SCRN2: variants seen among roughly 807,000 people sequenced by gnomAD.
The protein encoded by SCRN2 is secernin-2.
Under a neutral mutation model 40.1 loss-of-function variants are expected in SCRN2, and 30 were observed. The ratio of observed to expected loss-of-function variants is 0.75; its 90% CI spans 0.56 to 1.01. SCRN2 has a LOEUF of 1.01. SCRN2 is among the 50% of genes least tolerant of loss of function. SCRN2 has a pLI of 0.00. For synonymous variants in SCRN2, 240 were observed against 233.5 expected, an observed-to-expected ratio of 1.03 and a Z score of -0.25; for missense variants, 526 against 564.9, an observed-to-expected ratio of 0.93 and a Z score of 0.70.
chr17:47,840,275 T>G lies in SCRN2; in HGVS notation c.272A>C (p.His91Pro). 1.2e-6 allele frequency: 2 copies of G among 1,614,196 alleles called. No homozygotes were observed. The highest frequency in any genetic ancestry group is 1.7e-6 in the Non-Finnish European group (2 of 1,180,038). ...LWGAEMGANEHGVCIGNEAVW... is the reference protein window; with the variant it reads ...LWGAEMGANEPGVCIGNEAVW... Reference sequence around the variant, plus strand: ...AGCCTCGTTGCCAATGCAGACACCATGCTCGTTGGCGCCCATCTCAGCCCC... The same window carrying G: ...AGCCTCGTTGCCAATGCAGACACCAGGCTCGTTGGCGCCCATCTCAGCCCC... Residue 91 changes from histidine (H) to proline (P), a missense_variant, in exon 3 of 8, where the codon CAT (histidine) becomes CCT (proline). His to Pro is a moderately conservative substitution (Grantham distance 77). Coordinates refer to ENST00000290216, the MANE Select transcript of SCRN2 (RefSeq NM_138355.4).
chr17:47,838,382 A>G lies in SCRN2; in HGVS notation c.1007T>C (p.Phe336Ser). 6.2e-7 allele frequency: 1 copy of G among 1,609,548 alleles called. No homozygotes were observed. The highest frequency in any genetic ancestry group is 1.3e-5 in the African/African-American group (1 of 74,670). ...GGTCCGAACAGGGTCTTGTGCTCCA[A>G]AAGTGGGGGACAGCACCTGGGGGGC... is the stretch of plus-strand genomic sequence containing the variant. Reference protein sequence around the residue: ...AQAPQVLSPTFGAQDPVRTLP... With the variant: ...AQAPQVLSPTSGAQDPVRTLP... Residue 336 changes from phenylalanine to serine, a missense_variant, in exon 7 of 8, where the codon TTT (phenylalanine) becomes TCT (serine). Coordinates refer to ENST00000290216, the MANE Select transcript of SCRN2 (RefSeq NM_138355.4).
Position 47,840,757 on chromosome 17 carries a change from A to C in SCRN2, c.87T>G (p.Phe29Leu), listed in dbSNP as rs1344956172. ...CCCGGGGTCGGTCCGAGTTCTTGGC[A>C]AAGATCACAGCCGGGATGGCTGAGG... ...PPASAIPAVIFAKNSDRPRDE... is the reference protein window; with the variant it reads ...PPASAIPAVILAKNSDRPRDE... Residue 29 changes from phenylalanine to leucine, a missense_variant, in exon 2 of 8, where the codon TTT becomes TTG. Transcript: ENST00000290216. The C allele has an allele frequency of 6.3e-7, 1 of 1,595,030 alleles. No individual in the cohort carries two copies. Among genetic ancestry groups the C allele is most frequent in the Non-Finnish European group, 8.6e-7 (1 of 1,169,340 alleles).
intron 5 of SCRN2, 30 bp from the exon 6 acceptor site, chr17:47,838,726 G>A: frequency 6.2e-7 from 1 of 1,611,648 alleles, no homozygotes; most frequent in Non-Finnish European, 8.5e-7. Flanking sequence ...GAAGCTGTGG[G>A]AGGGGAGAGT....
Position 47,839,527 on chromosome 17 carries a change from T to C in SCRN2, c.473A>G (p.His158Arg), listed in dbSNP as rs371394444. ...CLEDAAPFSY[H>R]STFLLADRTE... is the part of the protein sequence containing the mutation. ...GCGGTCAGCCAGCAGGAAGGTGCTA[T>C]GGTAGGAGAATGGCGCAGCATCCTC... Residue 158 changes from histidine to arginine, a missense_variant, in exon 4 of 8, where the codon CAT (histidine) becomes CGT (arginine). Coordinates refer to ENST00000290216, the MANE Select transcript of SCRN2 (RefSeq NM_138355.4). 1.5e-5 allele frequency: 25 copies of C among 1,613,858 alleles called. No homozygotes were observed. The highest frequency in any genetic ancestry group is 1.5e-4 in the African/African-American group (11 of 74,926).
At chr17:47,839,779 A>G in intron 3 of SCRN2, 136 bp from the exon 4 acceptor site, 1 of 831,264 alleles carries the variant, frequency 1.2e-6, no homozygotes, top group African/African-American at 1.7e-5. Context: ...GCTGGCACTG[A>G]TCGTATCAAA....
chr17:47,839,050 TATTCTATGCCA>T, intron 4 of SCRN2, 44 bp from the exon 5 acceptor site: 1 of 1,596,120 alleles, frequency 6.3e-7, no homozygotes, highest in South Asian at 1.1e-5. Flanking sequence ...ATTGAGCATC[TATTCTATGCCA>T]GGCACTGGGC....
Position 47,838,840 on chromosome 17 carries a change from A to C in SCRN2, c.723T>G (p.Ala241=), listed in dbSNP as rs1397348538. Residue 241 remains alanine (A), a synonymous_variant, in exon 5 of 8, where the codon GCT becomes GCG. Coordinates refer to ENST00000290216, the MANE Select transcript of SCRN2 (RefSeq NM_138355.4). The part of the protein sequence containing the change: ...SLTQQPVRME[A]AKARFQAGRE... ...GCCCTGCCTGGAAGCGGGCCTTGGC[A>C]GCCTCCATGCGCACAGGCTGCTGGG... The C allele has an allele frequency of 1.9e-6, 3 of 1,613,566 alleles. No individual in the cohort carries two copies. The highest frequency in any genetic ancestry group is 2.5e-6 in the Non-Finnish European group (3 of 1,180,008).
At position 47,837,908 on chromosome 17, in the gene SCRN2, G is replaced by C. The variant is rs934400867; in HGVS notation, c.1214C>G (p.Pro405Arg). The C allele has an allele frequency of 1.2e-6, 2 of 1,604,918 alleles. No homozygotes were observed. Among genetic ancestry groups the C allele is most frequent in the African/African-American group, 2.7e-5 (2 of 74,776 alleles). The change falls in exon 8 of 8, where the codon CCC becomes CGC. Residue 405 changes from proline (P) to arginine (R), a missense_variant. Transcript: ENST00000290216. ...QGLLAGEWAP[P>R]LWELGSLFQA... ...GAAGAGGCTGCCCAGCTCCCAGAGG[G>C]GTGGGGCCCACTCGCCGGCCAGCAG...
intron 1 of SCRN2, 178 bp from the exon 2 acceptor site, chr17:47,841,021 G>A (rs2033813790): frequency 2.0e-6 from 1 of 504,256 alleles, no homozygotes; most frequent in Non-Finnish European, 3.2e-6. Context: ...CCAGGCTCCA[G>A]GCTTGGGAGT....
chr17:47,839,541 C>T lies in SCRN2; in HGVS notation c.459G>A (p.Ala153=), dbSNP rs374801699. The T allele has an allele frequency of 1.7e-5, 28 of 1,613,822 alleles. No homozygotes were observed. The highest frequency in any genetic ancestry group is 8.0e-5 in the African/African-American group (6 of 74,938). The change falls in exon 4 of 8, where the codon GCG becomes GCA. Residue 153 remains alanine, a synonymous_variant. Coordinates refer to ENST00000290216, the MANE Select transcript of SCRN2 (RefSeq NM_138355.4). ...GGAAGGTGCTATGGTAGGAGAATGG[C>T]GCAGCATCCTCCAGGCAGTTGCCCC... ...GQGGNCLEDA[A]PFSYHSTFLL... is the part of the protein sequence containing the mutation.
At position 47,839,613 on chromosome 17, in the gene SCRN2, C is replaced by G. The variant is rs751151439; in HGVS notation, c.387G>C (p.Gln129His). Residue 129 changes from glutamine (Q) to histidine (H), a missense_variant, in exon 4 of 8, where the codon CAG (glutamine) becomes CAC (histidine). By Grantham distance (24) the Gln-to-His change is conservative. Transcript: ENST00000290216. ...ACCCTGTGATCACATGCAAGGCCTC[C>G]TGGGCAGAGCTGCTCCGTTCCAAAG... ...RLALERSSSA[Q>H]EALHVITGLL... 1 of 1,614,098 alleles carries G rather than the reference C, an allele frequency of 6.2e-7. No individual in the cohort carries two copies. Among genetic ancestry groups the G allele is most frequent in the Non-Finnish European group, 8.5e-7 (1 of 1,180,040 alleles).
chr17:47,840,661 C>A lies in SCRN2; in HGVS notation c.174+9G>T. 6.3e-7 allele frequency: 1 copy of A among 1,597,156 alleles called. No homozygotes were observed. The highest frequency in any genetic ancestry group is 8.5e-7 in the Non-Finnish European group (1 of 1,171,806). ...CACACCTCCCAGCACCCCATAAAGT[C>A]TAACCCACCTGGAGCCGGCTCCCAG... On this transcript the variant is annotated intron_variant, in intron 2 of 7. Transcript: ENST00000290216.
rs750983392 is a variant in SCRN2, at chr17:47,839,562, GC to G, written c.437del (p.Gly146AlafsTer50). 21 of 1,613,908 alleles carry G rather than the reference GC, an allele frequency of 1.3e-5. No individual in the cohort carries two copies. The Admixed American group carries it at 1.5e-4, about 12-fold the overall frequency. On this transcript the variant is annotated frameshift_variant, in exon 4 of 8. Transcript: ENST00000290216. LOFTEE classifies it high-confidence loss of function. ...TGLLEHYGQG[G>X]NCLEDAAPFS... ...ATGGCGCAGCATCCTCCAGGCAGTT[GC>G]CCCCCTGCCCATAGTGCTCCAGTAA...
chr17:47,839,003 C>G lies in SCRN2; in HGVS notation c.560G>C (p.Gly187Ala). The G allele has an allele frequency of 1.2e-6, 2 of 1,613,812 alleles. No homozygotes were observed. The highest frequency in any genetic ancestry group is 1.7e-6 in the Non-Finnish European group (2 of 1,179,992). The change falls in exon 5 of 8, where the codon GGG becomes GCG. Residue 187 changes from glycine (G) to alanine (A), a missense_variant. Physicochemically the swap from Gly to Ala is moderately conservative, Grantham distance 60. Transcript: ENST00000290216. ...RLWAAQRIQE[G>A]ARNISNQLSI... ...CAGCTGGTTGGAGATGTTGCGGGCC[C>G]CCTCTGTGGAGGAGATCGGGGAGTG...
chr17:47,840,709 A>G lies in SCRN2; in HGVS notation c.135T>C (p.Phe45=). 1 of 1,605,600 alleles carries G rather than the reference A, an allele frequency of 6.2e-7. No individual in the cohort carries two copies. Among genetic ancestry groups the G allele is most frequent in the Non-Finnish European group, 8.5e-7 (1 of 1,175,822 alleles). ...CAGGAGTGTGAGTGCCTGCGGGGAC[A>G]AACACCACCTCCTGCACCTCGTCCC... is the stretch of plus-strand genomic sequence containing the variant. The part of the protein sequence containing the change: ...RPRDEVQEVV[F]VPAGTHTPGS... The change falls in exon 2 of 8, where the codon TTT becomes TTC. Residue 45 remains phenylalanine, a synonymous_variant. Coordinates refer to ENST00000290216, the MANE Select transcript of SCRN2 (RefSeq NM_138355.4).
At position 47,838,893 on chromosome 17, in the gene SCRN2, A is replaced by G; in HGVS notation, c.670T>C (p.Phe224Leu). The change falls in exon 5 of 8, where the codon TTT becomes CTT. Residue 224 changes from phenylalanine (F) to leucine (L), a missense_variant. Physicochemically the swap from Phe to Leu is conservative, Grantham distance 22. Coordinates refer to ENST00000290216, the MANE Select transcript of SCRN2 (RefSeq NM_138355.4). ...AKGWWDGQGA[F>L]DFAQIFSLTQ... The stretch of plus-strand genomic sequence containing the variant: ...AGGGAGAAGATCTGAGCAAAGTCAA[A>G]GGCACCCTGCCCATCCCACCAGCCC... 1 of 1,613,902 alleles carries G rather than the reference A, an allele frequency of 6.2e-7. No individual in the cohort carries two copies. The highest frequency in any genetic ancestry group is 8.5e-7 in the Non-Finnish European group (1 of 1,180,042).
chr17:47,840,319 G>A lies in SCRN2; in HGVS notation c.228C>T (p.Ser76=), dbSNP rs752043035. 2 of 1,614,220 alleles carry A rather than the reference G, an allele frequency of 1.2e-6. No individual in the cohort carries two copies. Among genetic ancestry groups the A allele is most frequent in the Non-Finnish European group, 1.7e-6 (2 of 1,180,050 alleles). Residue 76 remains serine, a synonymous_variant, in exon 3 of 8, where the codon AGC becomes AGT. Transcript: ENST00000290216. Reference sequence around the variant, plus strand: ...CAGCCCCCCATAGCCAAGAAGGACGGCTCAGAATCACAGCGTGCGTCTTCG... The same window carrying A: ...CAGCCCCCCATAGCCAAGAAGGACGACTCAGAATCACAGCGTGCGTCTTCG... ...QVSKTHAVIL[S]RPSWLWGAEM... is the part of the protein sequence containing the mutation.
Position 47,837,791 on chromosome 17 carries a change from A to ACCCAGGCCCCAGGGGTCCTGGGTCCAC in SCRN2, c.*26_*52dup. 5 of 1,532,040 alleles carry ACCCAGGCCCCAGGGGTCCTGGGTCCAC rather than the reference A, an allele frequency of 3.3e-6. No homozygotes were observed. The highest frequency in any genetic ancestry group is 3.5e-6 in the Non-Finnish European group (4 of 1,151,772). 94.9% of individuals were successfully genotyped at this position (1,532,040 alleles called of 1,614,324 possible). On this transcript the variant is annotated 3_prime_UTR_variant, in exon 8 of 8. Transcript: ENST00000290216. ...GCTCCACTTTACCACCACTCAGGGC[A>ACCCAGGCCCCAGGGGTCCTGGGTCCAC]CCCAGGCCCCAGGGGTCCTGGGTCC...
At chr17:47,840,133 A>G in intron 3 of SCRN2, 58 bp downstream of exon 3, 1 of 1,553,960 alleles carries the variant, frequency 6.4e-7, no homozygotes, top group Admixed American at 1.7e-5. Context: ...GCCCAGGTCA[A>G]AACTCAGCCC....
Sources: gnomAD v4.1 joint callset for allele counts on GRCh38, gnomAD v4.1.1 for gene constraint, MANE v1.5 for transcripts, NCBI Gene and HGNC (gene_info 2026-07-23, HGNC 2026-07-21) for gene names.